The following FRMPD3 variants were observed in gnomAD, a reference collection of about 807,000 sequenced individuals.
FRMPD3 encodes FERM and PDZ domain-containing protein 3.
FRMPD3 carries 42 observed loss-of-function variants against 97.9 expected under a neutral mutation model. The ratio of observed to expected loss-of-function variants is 0.43; its 90% CI spans 0.34 to 0.55. The LOEUF is 0.55. Ranked by LOEUF, FRMPD3 falls within the 20% of genes least tolerant of loss-of-function variation. The pLI is 0.03. For missense variants in FRMPD3, 1,303 were observed against 1,457.7 expected, an observed-to-expected ratio of 0.89 and a Z score of 1.73; for synonymous variants, 577 against 581.1, an observed-to-expected ratio of 0.99 and a Z score of 0.10.
chrX:107,496,715 C>A (rs1294948137), intron 1 of FRMPD3, among the ~76,000 whole-genome samples: 2 of 111,390 alleles, frequency 1.8e-5, no homozygotes, highest in Non-Finnish European at 3.8e-5. Flanking sequence ...AGTTTCTCTG[C>A]AGTATTTCCA....
At chrX:107,600,165 G>A in intron 14 of FRMPD3, 138 bp from the exon 15 acceptor site, 1 of 744,976 alleles carries the variant, frequency 1.3e-6, no homozygotes, top group South Asian at 2.9e-5. Context: ...TTCGTATCAG[G>A]GACTTGAGCA....
At chrX:107,548,582 C>G (rs1416432821) in intron 5 of FRMPD3, among the ~76,000 whole-genome samples, 2 of 112,951 alleles carry the variant, frequency 1.8e-5, no homozygotes, top group African/African-American at 6.4e-5. Flanking sequence ...AGGACATGGT[C>G]TTTGTGCTCT....
At chrX:107,557,686 TG>T (rs1922137977) in intron 8 of FRMPD3, among the ~76,000 whole-genome samples, 1 of 99,548 alleles carries the variant, frequency 1.0e-5, no homozygotes, top group East Asian at 3.1e-4. Context: ...TGTGTGTGTG[TG>T]TGTGTGTTTT....
chrX:107,465,949 T>A (rs1391992870), intron 1 of FRMPD3, among the ~76,000 whole-genome samples: 1 of 112,112 alleles, frequency 8.9e-6, no homozygotes, highest in African/African-American at 3.2e-5. Context: ...CTCTTAGAGC[T>A]TTGTAATGCA....
chrX:107,547,467 C>T (rs1480415719), intron 5 of FRMPD3, among the ~76,000 whole-genome samples: 1 of 111,292 alleles, frequency 9.0e-6, no homozygotes, highest in East Asian at 2.8e-4. Flanking sequence ...ACAGGCGTAA[C>T]GATGCCCCCC....
rs1300047992 is a variant in FRMPD3 at position 107,604,765 on chromosome X, G to C, written c.*1392G>C. 1 of 111,197 alleles carries C rather than the reference G, an allele frequency of 9.0e-6. No individual in the cohort carries two copies. Among genetic ancestry groups the C allele is most frequent in the East Asian group, 2.8e-4 (1 of 3,565 alleles). 9.2% of individuals were successfully genotyped at this position (111,197 alleles called of 1,213,427 possible). A position where few individuals can be genotyped will look rare whatever the true frequency, so the allele number is the denominator to read the frequency against. ...GTGTCTGCCTCTGTTTCATCACTGT[G>C]TCAGAGGCCCATGTGAAATCTTTCA... On this transcript the variant is annotated 3_prime_UTR_variant, in exon 15 of 15. Coordinates refer to ENST00000683843, the MANE Select transcript of FRMPD3 (RefSeq NM_001388459.1).
intron 1 of FRMPD3, among the ~76,000 whole-genome samples, chrX:107,462,637 TC>T (rs1931497334): frequency 9.0e-6 from 1 of 111,499 alleles, no homozygotes; most frequent in Non-Finnish European, 1.9e-5. Context: ...GATGACACAA[TC>T]CCCTTGCCAT....
At chrX:107,569,495 C>T (rs1922779375) in intron 12 of FRMPD3, among the ~76,000 whole-genome samples, 1 of 109,688 alleles carries the variant, frequency 9.1e-6, no homozygotes, top group African/African-American at 3.3e-5. Flanking sequence ...ATTGGGAGAG[C>T]AGGGTTGGGA....
intron 1 of FRMPD3, among the ~76,000 whole-genome samples, chrX:107,499,032 A>G (rs1299266791): frequency 9.0e-6 from 1 of 110,706 alleles, no homozygotes; most frequent in East Asian, 2.8e-4. Flanking sequence ...GGTTCATTCA[A>G]AGAGCACTTA....
chrX:107,452,434 C>A (rs1325647189), intron 1 of FRMPD3, among the ~76,000 whole-genome samples: 1 of 111,992 alleles, frequency 8.9e-6, no homozygotes, highest in East Asian at 2.8e-4. Flanking sequence ...TCGCTGGCAC[C>A]CAACACCACA....
intron 5 of FRMPD3, among the ~76,000 whole-genome samples, chrX:107,546,797 C>T (rs373058201): frequency 2.7e-5 from 3 of 112,143 alleles, no homozygotes; most frequent in African/African-American, 6.5e-5. Context: ...TTGGCATTTA[C>T]GTACTGAGGA....
At position 107,460,912 on chromosome X, in the gene FRMPD3, A is replaced by G. The variant is rs147985766; in HGVS notation, c.-8+10907A>G. The stretch of plus-strand genomic sequence containing the variant: ...TTGTTCCATATTCATCTCGTCACCT[A>G]CAGTCGAGCTGTAATCTTTCTAATA... On this transcript the variant is annotated intron_variant, in intron 1 of 14. Coordinates refer to ENST00000683843, the MANE Select transcript of FRMPD3 (RefSeq NM_001388459.1). Among the ~76,000 whole-genome samples, 27 of 111,207 alleles carry G rather than the reference A, an allele frequency of 2.4e-4. No homozygotes were observed. The East Asian group carries it at 7.3e-3, about 30-fold the overall frequency.
chrX:107,587,683 G>A (rs1358422890), intron 13 of FRMPD3, among the ~76,000 whole-genome samples: 3 of 112,190 alleles, frequency 2.7e-5, no homozygotes, highest in South Asian at 3.7e-4. Flanking sequence ...TGTCTGGAAA[G>A]TATTTTATTT....
intron 13 of FRMPD3, among the ~76,000 whole-genome samples, chrX:107,577,312 C>T (rs185358726): frequency 9.3e-6 from 1 of 107,719 alleles, no homozygotes; most frequent in African/African-American, 3.4e-5. Context: ...GGTGAAACCC[C>T]ATCTCTACCA....
rs1236816877 is a variant in FRMPD3, at chrX:107,560,320, CT to C, written c.828del (p.Ala277LeufsTer54). On this transcript the variant is annotated frameshift_variant, in exon 9 of 15. Coordinates refer to ENST00000683843, the MANE Select transcript of FRMPD3 (RefSeq NM_001388459.1). LOFTEE classifies it high-confidence loss of function. ...MDPKPEMLLGLAALHIYITVS... is the reference protein window; with the variant it reads ...MDPKPEMLLGXAALHIYITVS... ...TCCCAAGCCAGAGATGCTTTTGGGC[CT>C]TGCTGCGCTCCACATCTATATCACT... The C allele has an allele frequency of 8.3e-7, 1 of 1,209,116 alleles. No homozygotes were observed. Among genetic ancestry groups the C allele is most frequent in the Admixed American group, 2.2e-5 (1 of 45,803 alleles).
At chrX:107,575,241 A>T (rs1923056700) in intron 12 of FRMPD3, among the ~76,000 whole-genome samples, 1 of 112,089 alleles carries the variant, frequency 8.9e-6, no homozygotes, top group African/African-American at 3.2e-5. Context: ...TAATAAATTC[A>T]GAAAACTTAG....
At chrX:107,468,099 A>T (rs1379601228) in intron 1 of FRMPD3, among the ~76,000 whole-genome samples, 3 of 111,675 alleles carry the variant, frequency 2.7e-5, no homozygotes, top group African/African-American at 9.8e-5. Flanking sequence ...GCAGTCAAAA[A>T]GCCCACCCCT....
intron 1 of FRMPD3, chrX:107,525,527 A>G: frequency 1.8e-6 from 1 of 547,348 alleles, no homozygotes; most frequent in Non-Finnish European, 3.3e-6. Flanking sequence ...AATCGGGAGA[A>G]CAATGTGTAA....
chrX:107,546,671 C>T (rs1294694987), intron 5 of FRMPD3, among the ~76,000 whole-genome samples: 1 of 111,942 alleles, frequency 8.9e-6, no homozygotes, highest in East Asian at 2.8e-4. Context: ...CTGGCCGAGT[C>T]CTTCAGGAAT....
Sources: allele counts gnomAD v4.1 joint callset (sites outside exome capture counted in the v4.1 genomes callset), GRCh38; gene constraint gnomAD v4.1.1; transcripts MANE v1.5; gene names NCBI Gene and HGNC (gene_info 2026-07-23, HGNC 2026-07-21).